TOGARAM2: variants seen among roughly 807,000 people sequenced by gnomAD.
TOGARAM2 encodes TOG array regulator of axonemal microtubules protein 2.
A neutral mutation model predicts 93.3 loss-of-function variants in TOGARAM2; 85 were observed. The observed-to-expected ratio is 0.91, with a 90% CI of 0.76 to 1.09. TOGARAM2 has a LOEUF of 1.09. Ranked by LOEUF, TOGARAM2 falls within the 50% of genes least tolerant of loss-of-function variation. The pLI is 0.00. For synonymous variants in TOGARAM2, 593 were observed against 552.8 expected, an observed-to-expected ratio of 1.07 and a Z score of -1.02; for missense variants, 1,277 against 1,334.5, an observed-to-expected ratio of 0.96 and a Z score of 0.67.
Position 29,005,793 on chromosome 2 carries a change from T to A in TOGARAM2, c.830+2111T>A, listed in dbSNP as rs941489825. 6.4e-4 allele frequency among the ~76,000 whole-genome samples: 81 copies of A among 127,312 alleles called. 2 individuals are homozygous for A. The highest frequency in any genetic ancestry group is 1.1e-3 in the Non-Finnish European group (60 of 56,008). The allele number at this position is 127,312 out of a possible 152,430, so 83.5% of individuals were successfully genotyped here. On this transcript the variant is annotated intron_variant, in intron 6 of 19. Coordinates refer to ENST00000379558, the MANE Select transcript of TOGARAM2 (RefSeq NM_199280.4). The stretch of plus-strand genomic sequence containing the variant: ...CATGTGTGGAGTATCTGTGTGTGCA[T>A]GTGTATGAGTGCATGTGTGTGAGTG...
intron 1 of TOGARAM2, among the ~76,000 whole-genome samples, chr2:28,959,459 A>G (rs559023042): frequency 6.6e-4 from 101 of 152,310 alleles, no homozygotes; most frequent in Non-Finnish European, 1.3e-3. Context: ...AGAAAAGTTA[A>G]AAGAATAGTA....
At chr2:29,040,785 C>T (rs1315829282) in intron 18 of TOGARAM2, among the ~76,000 whole-genome samples, 1 of 152,192 alleles carries the variant, frequency 6.6e-6, no homozygotes, top group African/African-American at 2.4e-5. Context: ...CCATAAGGCT[C>T]TCCCATTCAG....
intron 1 of TOGARAM2, among the ~76,000 whole-genome samples, chr2:28,981,805 G>A (rs981507849): frequency 6.6e-6 from 1 of 152,218 alleles, no homozygotes; most frequent in Non-Finnish European, 1.5e-5. Context: ...GGAAGGAGGG[G>A]CTGGCCTGGG....
rs527927600 is a variant in TOGARAM2, at chr2:28,982,826, C to G, written c.-111+1288C>G. Among the ~76,000 whole-genome samples the G allele has an allele frequency of 2.6e-5, 4 of 152,282 alleles. No homozygotes were observed. The East Asian group carries it at 7.7e-4, about 29-fold the overall frequency. ...AGTGAATGTCCATGTAGCCACCTCC[C>G]AGGCCAAGAAACAGAAAAACTGGCC... On this transcript the variant is annotated intron_variant, in intron 1 of 19. Coordinates refer to ENST00000379558, the MANE Select transcript of TOGARAM2 (RefSeq NM_199280.4).
chr2:28,956,709 G>A lies in TOGARAM2; in HGVS notation c.-147+12G>A, dbSNP rs540941381. 6.6e-6 allele frequency: 1 copy of A among 152,336 alleles called. No individual in the cohort carries two copies. Among genetic ancestry groups the A allele is most frequent in the East Asian group, 1.9e-4 (1 of 5,190 alleles). The allele number at this position is 152,336 out of a possible 1,614,324, so 9.4% of individuals were successfully genotyped here. On this transcript the variant is annotated intron_variant, in intron 1 of 6. Transcript: ENST00000401723. The surrounding 1 kb of genome is among the most constrained non-coding windows in gnomAD (Gnocchi z 4.5). ...AGCATCTTTCTCAGGTGGGTAAGGA[G>A]AGGTGGAATTCTGGTCACAGGCTAC...
At chr2:28,982,953 G>A (rs1672275522) in intron 1 of TOGARAM2, among the ~76,000 whole-genome samples, 1 of 151,818 alleles carries the variant, frequency 6.6e-6, no homozygotes, top group South Asian at 2.1e-4. Context: ...TTTCTATCAA[G>A]TTTTCCATCT....
intron 6 of TOGARAM2, among the ~76,000 whole-genome samples, chr2:29,008,880 G>C (rs763491385): frequency 6.6e-6 from 1 of 152,214 alleles, no homozygotes; most frequent in East Asian, 1.9e-4. Context: ...GATTAGTTCC[G>C]TAATAAATAT....
At position 29,023,143 on chromosome 2, in the gene TOGARAM2, G is replaced by A. The variant is rs748752514; in HGVS notation, c.1569G>A (p.Glu523=). The A allele has an allele frequency of 2.5e-6, 4 of 1,601,946 alleles. No homozygotes were observed. The highest frequency in any genetic ancestry group is 3.4e-6 in the Non-Finnish European group (4 of 1,174,412). ...AGCGCTTGGCAGCCTGTCACTCAGA[G>A]GTCCTCACCGGGAAGCTGCACGACG... The part of the protein sequence containing the change: ...SIQRLAACHS[E]VLTGKLHDVC... Residue 523 remains glutamate, a synonymous_variant, in exon 12 of 20, where the codon GAG becomes GAA. Coordinates refer to ENST00000379558, the MANE Select transcript of TOGARAM2 (RefSeq NM_199280.4).
intron 2 of TOGARAM2, among the ~76,000 whole-genome samples, chr2:28,995,541 C>T (rs544569961): frequency 1.0e-3 from 156 of 152,316 alleles, no homozygotes; most frequent in African/African-American, 3.6e-3. Flanking sequence ...ACATATGAAT[C>T]GGAAAAGACC....
At chr2:29,029,262 T>TACACACACACACAC (rs1192229516) in intron 14 of TOGARAM2, among the ~76,000 whole-genome samples, 1 of 93,112 alleles carries the variant, frequency 1.1e-5, no homozygotes, top group African/African-American at 3.7e-5. Flanking sequence ...TGTATGTGTG[T>TACACACACACACAC]ATACACACAC....
intron 18 of TOGARAM2, among the ~76,000 whole-genome samples, chr2:29,041,707 G>A (rs1387303044): frequency 6.6e-6 from 1 of 152,152 alleles, no homozygotes. Flanking sequence ...GCGGCTAGTG[G>A]CTGTTTTCTC....
At chr2:28,996,848 ATGT>A (rs1673016609) in intron 2 of TOGARAM2, among the ~76,000 whole-genome samples, 1 of 149,254 alleles carries the variant, frequency 6.7e-6, no homozygotes, top group Admixed American at 6.7e-5. Context: ...AGTTCCATCC[ATGT>A]TGCTGCAAGT....
At chr2:28,988,387 T>C (rs960760410) in intron 1 of TOGARAM2, among the ~76,000 whole-genome samples, 2 of 152,070 alleles carry the variant, frequency 1.3e-5, no homozygotes, top group African/African-American at 4.8e-5. Context: ...CTTTCTCTCT[T>C]CCTGACCTCT....
At chr2:28,975,500 G>A (rs936706526) in intron 1 of TOGARAM2, among the ~76,000 whole-genome samples, 4 of 152,026 alleles carry the variant, frequency 2.6e-5, no homozygotes, top group African/African-American at 7.2e-5. Context: ...GCGCCCGGCC[G>A]AGACATTTTA....
intron 3 of TOGARAM2, 101 bp downstream of exon 3, chr2:28,998,354 T>A: frequency 1.3e-6 from 1 of 764,170 alleles, no homozygotes; most frequent in East Asian, 2.9e-5. Context: ...TACCAGCAGG[T>A]GTTATTTTTC....
Position 29,035,654 on chromosome 2 carries a change from C to T in TOGARAM2, c.2416C>T (p.Gln806Ter). 6.9e-7 allele frequency: 1 copy of T among 1,439,356 alleles called. No homozygotes were observed. The highest frequency in any genetic ancestry group is 9.2e-7 in the Non-Finnish European group (1 of 1,086,828). 89.2% of individuals were successfully genotyped at this position (1,439,356 alleles called of 1,614,324 possible). Residue 806 changes from glutamine (Q) to a stop codon, truncating the protein, a stop_gained and splice_region_variant, in exon 17 of 20, where the codon CAG becomes TAG. Transcript: ENST00000379558. LOFTEE classifies it high-confidence loss of function. ...GGAGCTTGTCACTGCCCACCTGGTCCAGGTGAGCACCGCTTGCTTTTACTC... is the reference window on the plus strand; with the variant it reads ...GGAGCTTGTCACTGCCCACCTGGTCTAGGTGAGCACCGCTTGCTTTTACTC... ...KTELVTAHLV[Q>*]VFDAFTPRLQ...
At chr2:28,998,371 C>A in intron 3 of TOGARAM2, 118 bp downstream of exon 3, 1 of 669,020 alleles carries the variant, frequency 1.5e-6, no homozygotes, top group Non-Finnish European at 2.5e-6. Flanking sequence ...TTTCCTGTGG[C>A]TCCTGCTGAA....
intron 5 of TOGARAM2, 80 bp downstream of exon 5, chr2:29,002,827 C>T (rs1266260139): frequency 1.5e-6 from 2 of 1,309,506 alleles, no homozygotes; most frequent in Non-Finnish European, 2.1e-6. Flanking sequence ...TAGCCTCCAC[C>T]AACCCCTGAC....
intron 5 of TOGARAM2, among the ~76,000 whole-genome samples, chr2:29,002,951 C>A (rs921234394): frequency 6.6e-6 from 1 of 152,236 alleles, no homozygotes; most frequent in Non-Finnish European, 1.5e-5. Context: ...CTCAAACCTC[C>A]ATAGCTGGCC....
Sources: gnomAD v4.1 joint callset for allele counts (sites outside exome capture counted in the v4.1 genomes callset) on GRCh38, gnomAD v4.1.1 for gene constraint, Gnocchi (gnomAD v3.1) non-coding constraint, MANE v1.5 for transcripts, NCBI Gene and HGNC (gene_info 2026-07-23, HGNC 2026-07-21) for gene names.